The following SRC variants were observed in gnomAD, a reference collection of about 807,000 sequenced individuals.
SRC encodes the protein SRC proto-oncogene, non-receptor tyrosine kinase, also known as proto-oncogene tyrosine-protein kinase Src.
Under a neutral mutation model 62.9 loss-of-function variants are expected in SRC, and 13 were observed. The observed-to-expected ratio is 0.21, with a 90% CI of 0.13 to 0.33. The LOEUF is 0.33. Ranked by LOEUF, SRC falls within the 10% of genes least tolerant of loss-of-function variation. SRC has a pLI of 1.00. For synonymous variants in SRC, 302 were observed against 317.5 expected, an observed-to-expected ratio of 0.95 and a Z score of 0.52; for missense variants, 457 against 737.3, an observed-to-expected ratio of 0.62 and a Z score of 4.40.
At chr20:37,390,154 A>C (rs1282985407) in intron 5 of SRC, among the ~76,000 whole-genome samples, 3 of 152,158 alleles carry the variant, frequency 2.0e-5, no homozygotes, top group African/African-American at 7.2e-5. Context: ...CTTTGCCTGC[A>C]AGGGAGATTC....
chr20:37,372,268 G>A (rs1430186301), intron 2 of SRC, among the ~76,000 whole-genome samples: 1 of 152,172 alleles, frequency 6.6e-6, no homozygotes, highest in Admixed American at 6.5e-5. Context: ...GATTACAGGC[G>A]TGAGCCACCA....
Position 37,401,603 on chromosome 20 carries a change from G to A in SRC, c.1041G>A (p.Gly347=), listed in dbSNP as rs1286793667. The A allele has an allele frequency of 6.2e-7, 1 of 1,610,330 alleles. No homozygotes were observed. The highest frequency in any genetic ancestry group is 2.3e-5 in the East Asian group (1 of 44,366). The change falls in exon 11 of 14, where the codon GGG becomes GGA. Residue 347 remains glycine (G), a splice_region_variant and synonymous_variant. Coordinates refer to ENST00000373578, the MANE Select transcript of SRC (RefSeq NM_198291.3). ...IYIVTEYMSK[G]SLLDFLKGET... The stretch of plus-strand genomic sequence containing the variant: ...GGAGCTGGGTCTCTCTCTGCCCAGG[G>A]AGTTTGCTGGACTTTCTCAAGGGGG...
intron 1 of SRC, among the ~76,000 whole-genome samples, chr20:37,361,821 G>A (rs1308528153): frequency 2.0e-5 from 1 of 50,008 alleles, no homozygotes; most frequent in Non-Finnish European, 3.8e-5. Context: ...GGGTCTCTGT[G>A]TGCAGGTAGA....
chr20:37,393,406 C>T (rs1180299326), intron 5 of SRC, among the ~76,000 whole-genome samples: 1 of 152,236 alleles, frequency 6.6e-6, no homozygotes, highest in Non-Finnish European at 1.5e-5. Flanking sequence ...CACCAGCTCC[C>T]AGGAGCGGGC....
At chr20:37,375,278 C>T (rs1281557751) in intron 2 of SRC, among the ~76,000 whole-genome samples, 1 of 151,268 alleles carries the variant, frequency 6.6e-6, no homozygotes, top group African/African-American at 2.4e-5. Flanking sequence ...GTTGCTCAGG[C>T]TGGAGTGCAG....
rs2147104931 is a variant in SRC at position 37,397,109 on chromosome 20, C to T, written c.704-590C>T. Among the ~76,000 whole-genome samples, 2 of 152,278 alleles carry T rather than the reference C, an allele frequency of 1.3e-5. No homozygotes were observed. The highest frequency in any genetic ancestry group is 4.8e-5 in the African/African-American group (2 of 41,558). On this transcript the variant is annotated intron_variant, in intron 8 of 13. Coordinates refer to ENST00000373578, the MANE Select transcript of SRC (RefSeq NM_198291.3). This position sits in a 1 kb window ranked among gnomAD's most constrained non-coding sequence, Gnocchi z 4.1. ...CGGCCCCTGAGTGGTCTAATCCTAACTGCCTCCCCACCTCCGCCTGGTGCC... is the reference window on the plus strand; with the variant it reads ...CGGCCCCTGAGTGGTCTAATCCTAATTGCCTCCCCACCTCCGCCTGGTGCC...
chr20:37,383,625 T>G, intron 3 of SRC: 1 of 155,410 alleles, frequency 6.4e-6, no homozygotes, highest in Non-Finnish European at 1.4e-5. Context: ...AGGAAGCCCT[T>G]TACGGATGGA....
chr20:37,348,485 C>T lies in SRC; in HGVS notation c.-247+2230C>T, dbSNP rs56148547. ...TGCTGCGTACCAGGAACTTGGAACT[C>T]GGGCTGAGCAGTATTGTGCTGGGGT... On this transcript the variant is annotated intron_variant, in intron 1 of 13. Transcript: ENST00000373578. 5.6e-3 allele frequency among the ~76,000 whole-genome samples: 859 copies of T among 152,286 alleles called. 3 individuals carry two copies. The highest frequency in any genetic ancestry group is 7.9e-3 in the Non-Finnish European group (539 of 68,030).
intron 2 of SRC, among the ~76,000 whole-genome samples, chr20:37,376,652 C>T (rs1268525803): frequency 1.3e-5 from 2 of 152,184 alleles, no homozygotes; most frequent in African/African-American, 2.4e-5. Flanking sequence ...TACAGGCATG[C>T]GCCACCATGC....
At position 37,389,745 on chromosome 20, in the gene SRC, A is replaced by G. The variant is rs574439734; in HGVS notation, c.350+3571A>G. Among the ~76,000 whole-genome samples, 8 of 152,334 alleles carry G rather than the reference A, an allele frequency of 5.3e-5. No individual in the cohort carries two copies. In the East Asian group the frequency reaches 1.4e-3, roughly 26 times the overall value. On this transcript the variant is annotated intron_variant, in intron 5 of 13. Transcript: ENST00000373578. ...GGCTGGCCCCAAGGATTAGGGCCCC[A>G]AAAGAGGATCCTGAGGCTCAGAGAG...
At chr20:37,382,113 G>C (rs2070373408) in intron 2 of SRC, among the ~76,000 whole-genome samples, 1 of 152,160 alleles carries the variant, frequency 6.6e-6, no homozygotes, top group Non-Finnish European at 1.5e-5. Flanking sequence ...CCACTCATGG[G>C]TTCTCAGAGG....
intron 2 of SRC, among the ~76,000 whole-genome samples, chr20:37,373,073 C>G (rs1450696802): frequency 1.3e-5 from 2 of 151,408 alleles, no homozygotes; most frequent in Non-Finnish European, 2.9e-5. Context: ...CACATATACA[C>G]ACATATATAC....
rs146509172 is a variant in SRC at position 37,384,955 on chromosome 20, C to G, written c.250+552C>G. 0.024 allele frequency among the ~76,000 whole-genome samples: 3,656 copies of G among 152,322 alleles called. 67 individuals are homozygous for G. The highest frequency in any genetic ancestry group is 0.036 in the Non-Finnish European group (2,479 of 68,012). On this transcript the variant is annotated intron_variant, in intron 4 of 13. Transcript: ENST00000373578. This position sits in a 1 kb window ranked among gnomAD's most constrained non-coding sequence, Gnocchi z 6.7. ...ACTCCACGCAGACTTCACTCCTTCA[C>G]TCAGACCCGTTCACTCTCCCCACAG... is the stretch of plus-strand genomic sequence containing the variant.
intron 11 of SRC, 79 bp downstream of exon 11, chr20:37,401,757 CTT>C: frequency 9.8e-7 from 1 of 1,024,250 alleles, no homozygotes; most frequent in Non-Finnish European, 1.4e-6. Context: ...GTTCTGGCCT[CTT>C]GAGTGCCCCC....
intron 1 of SRC, among the ~76,000 whole-genome samples, chr20:37,360,741 C>G (rs530473867): frequency 4.6e-5 from 7 of 152,228 alleles, no homozygotes; most frequent in Non-Finnish European, 1.0e-4. Context: ...TGCTCCTACT[C>G]TTTTGACTGA....
At chr20:37,390,063 G>A (rs2070521605) in intron 5 of SRC, among the ~76,000 whole-genome samples, 1 of 152,186 alleles carries the variant, frequency 6.6e-6, no homozygotes, top group African/African-American at 2.4e-5. Context: ...TTTCACAGGT[G>A]GGCAAACTGA....
At position 37,402,973 on chromosome 20, in the gene SRC, C is replaced by T. The variant is rs965850104; in HGVS notation, c.1402+93C>T. ...ATGACTCCTGCTGGGCCTGTTTCCCCACCCGTAAAACAAAGAAGTTGAGCG... is the reference window on the plus strand; with the variant it reads ...ATGACTCCTGCTGGGCCTGTTTCCCTACCCGTAAAACAAAGAAGTTGAGCG... On this transcript the variant is annotated intron_variant, in intron 13 of 13. Transcript: ENST00000373578. This position sits in a 1 kb window ranked among gnomAD's most constrained non-coding sequence, Gnocchi z 6.2. 15 of 1,494,040 alleles carry T rather than the reference C, an allele frequency of 1.0e-5. No individual in the cohort carries two copies. Among genetic ancestry groups the T allele is most frequent in the East Asian group, 6.8e-5 (3 of 43,916 alleles). The allele number at this position is 1,494,040 out of a possible 1,614,324, so 92.5% of individuals were successfully genotyped here. A position where few individuals can be genotyped will look rare whatever the true frequency, so the allele number is the denominator to read the frequency against.
At position 37,386,100 on chromosome 20, in the gene SRC, C is replaced by T. The variant is rs757241702; in HGVS notation, c.276C>T (p.Leu92=). 1.2e-6 allele frequency: 2 copies of T among 1,614,214 alleles called. No individual in the cohort carries two copies. Among genetic ancestry groups the T allele is most frequent in the Non-Finnish European group, 1.7e-6 (2 of 1,180,022 alleles). Reference sequence around the variant, plus strand: ...GTGGAGTGACCACCTTTGTGGCCCTCTATGACTATGAGTCTAGGACGGAGA... The same window carrying T: ...GTGGAGTGACCACCTTTGTGGCCCTTTATGACTATGAGTCTAGGACGGAGA... ...LAGGVTTFVA[L]YDYESRTETD... The change falls in exon 5 of 14, where the codon CTC becomes CTT. Residue 92 remains leucine (L), a synonymous_variant. Transcript: ENST00000373578.
chr20:37,349,583 C>T (rs1407111355), intron 1 of SRC, among the ~76,000 whole-genome samples: 2 of 152,206 alleles, frequency 1.3e-5, no homozygotes, highest in African/African-American at 2.4e-5. Flanking sequence ...TGTCTGGCAC[C>T]GGTAGGTACT....
Sources: allele counts gnomAD v4.1 joint callset (sites outside exome capture counted in the v4.1 genomes callset), GRCh38; gene constraint gnomAD v4.1.1; non-coding constraint Gnocchi (gnomAD v3.1); transcripts MANE v1.5; gene names NCBI Gene and HGNC (gene_info 2026-07-23, HGNC 2026-07-21).